The following PRIM2 variants were observed in gnomAD, a reference collection of about 807,000 sequenced individuals.
PRIM2 encodes DNA primase subunit 2, also known as DNA primase large subunit.
PRIM2 carries 39 observed loss-of-function variants against 67.3 expected under a neutral mutation model. The observed-to-expected ratio is 0.58, with a 90% confidence interval of 0.45 to 0.76. PRIM2 has a LOEUF of 0.76. PRIM2 is among the 30% of genes least tolerant of loss of function. The probability of loss-of-function intolerance (pLI) is 0.00; values close to 1 mark genes in which losing one functional copy is unlikely to be tolerated. For synonymous variants in PRIM2, 143 were observed against 198.7 expected, an observed-to-expected ratio of 0.72 and a Z score of 2.36; for missense variants, 398 against 598.7, an observed-to-expected ratio of 0.66 and a Z score of 3.50.
chr6:57,597,347 G>C (rs1454230477), intron 10 of PRIM2, among the ~76,000 whole-genome samples: 17 of 150,780 alleles, frequency 1.1e-4, no homozygotes, highest in Non-Finnish European at 2.4e-4. Flanking sequence ...AAGATGACTA[G>C]AAATGTAATT....
chr6:57,385,681 A>C (rs1770121135), intron 7 of PRIM2, among the ~76,000 whole-genome samples: 1 of 152,106 alleles, frequency 6.6e-6, no homozygotes. Flanking sequence ...ATAGATTCTT[A>C]GTTTCTCTTA....
chr6:57,254,633 T>C, the PRIM2 span, among the ~76,000 whole-genome samples: 29 of 152,144 alleles, frequency 1.9e-4, no homozygotes, highest in Non-Finnish European at 4.0e-4. Context: ...AGATAACAAA[T>C]GAATTCTTAA....
Position 57,449,377 on chromosome 6 carries a change from C to G in PRIM2, c.694-58010C>G, listed in dbSNP as rs1223665485. ...TTTATTGTTGTTCTTAGGCCTGACTCTAAACTTGAGAAACTAAATCTTCTC... is the reference window on the plus strand; with the variant it reads ...TTTATTGTTGTTCTTAGGCCTGACTGTAAACTTGAGAAACTAAATCTTCTC... On this transcript the variant is annotated intron_variant, in intron 7 of 13. Transcript: ENST00000615550. 3.1e-3 allele frequency among the ~76,000 whole-genome samples: 472 copies of G among 152,236 alleles called. 1 individual carries two copies. Among genetic ancestry groups the G allele is most frequent in the African/African-American group, 0.011 (457 of 41,554 alleles).
intron 5 of PRIM2, among the ~76,000 whole-genome samples, chr6:57,376,884 T>C (rs1581842611): frequency 6.6e-6 from 1 of 152,162 alleles, no homozygotes; most frequent in Non-Finnish European, 1.5e-5. Flanking sequence ...TTTTCTATAT[T>C]TTTTATTTTT....
chr6:57,308,475 A>T, the PRIM2 span, among the ~76,000 whole-genome samples: 1 of 152,100 alleles, frequency 6.6e-6, no homozygotes, highest in Admixed American at 6.5e-5. Context: ...GTATTTTGAT[A>T]TTGCCACGAA....
chr6:57,349,885 A>G (rs1384544381), intron 5 of PRIM2, among the ~76,000 whole-genome samples: 1 of 152,178 alleles, frequency 6.6e-6, no homozygotes, highest in East Asian at 1.9e-4. Context: ...ATATTTTCCT[A>G]TTTTTTGTAA....
intron 10 of PRIM2, among the ~76,000 whole-genome samples, chr6:57,543,482 T>G (rs1261922208): frequency 2.6e-5 from 4 of 152,204 alleles, no homozygotes; most frequent in African/African-American, 9.6e-5. Context: ...GTGTCCTCAT[T>G]GTGACTTATT....
intron 7 of PRIM2, among the ~76,000 whole-genome samples, chr6:57,394,975 G>C (rs1770473246): frequency 6.6e-6 from 1 of 152,110 alleles, no homozygotes; most frequent in Non-Finnish European, 1.5e-5. Context: ...TTATTGACTT[G>C]CATATGTTAA....
intron 13 of PRIM2, among the ~76,000 whole-genome samples, chr6:57,639,262 G>A (rs1393175474): frequency 3.2e-4 from 49 of 152,084 alleles, no homozygotes; most frequent in African/African-American, 1.2e-3. Context: ...AGTGTTTAGA[G>A]GGAAATTTAT....
chr6:57,603,603 G>A (rs1218526576), intron 11 of PRIM2, among the ~76,000 whole-genome samples: 2 of 152,018 alleles, frequency 1.3e-5, no homozygotes, highest in East Asian at 3.9e-4. Context: ...ATAGTTTGGA[G>A]TTAGGTAGAG....
chr6:57,406,559 A>C (rs1770899621), intron 7 of PRIM2, among the ~76,000 whole-genome samples: 2 of 152,136 alleles, frequency 1.3e-5, no homozygotes, highest in Admixed American at 1.3e-4. Context: ...ATGTTACCCA[A>C]CAAGTTCTAG....
chr6:57,569,394 A>T (rs1415624011), intron 10 of PRIM2, among the ~76,000 whole-genome samples: 1 of 152,254 alleles, frequency 6.6e-6, no homozygotes, highest in East Asian at 1.9e-4. Flanking sequence ...AGATATTAAC[A>T]GTAACTGGCA....
chr6:57,459,636 A>G (rs1384900316), intron 7 of PRIM2, among the ~76,000 whole-genome samples: 3 of 152,180 alleles, frequency 2.0e-5, no homozygotes, highest in African/African-American at 7.2e-5. Context: ...TGTAATCTTG[A>G]GTCTGAAATT....
the PRIM2 span, among the ~76,000 whole-genome samples, chr6:57,232,562 A>T: frequency 7.9e-5 from 12 of 152,330 alleles, no homozygotes; most frequent in Admixed American, 2.0e-4. Context: ...AAATAAAAAT[A>T]AAATTAAAAT....
chr6:57,257,775 T>C, the PRIM2 span, among the ~76,000 whole-genome samples: 584 of 152,348 alleles, frequency 3.8e-3, 5 homozygotes, highest in African/African-American at 0.013. Flanking sequence ...ATCTGCCTCA[T>C]AGAGTTATCA....
intron 7 of PRIM2, among the ~76,000 whole-genome samples, chr6:57,473,611 C>T (rs1773391364): frequency 6.6e-6 from 1 of 152,106 alleles, no homozygotes; most frequent in African/African-American, 2.4e-5. Flanking sequence ...TTTCCCCTTC[C>T]CTTTGTTTTC....
In PRIM2 at chr6:57,637,340, T is replaced by C. The variant is rs1335810618; in HGVS notation, c.1299+5139T>C. On this transcript the variant is annotated intron_variant, in intron 13 of 13. Coordinates refer to ENST00000615550, the MANE Select transcript of PRIM2 (RefSeq NM_000947.5). ...AGGCTGAAAATTCCAAAAATCAGAATATCTCTTCTCCTCCAAAGGATCACA... is the reference window on the plus strand; with the variant it reads ...AGGCTGAAAATTCCAAAAATCAGAACATCTCTTCTCCTCCAAAGGATCACA... Among the ~76,000 whole-genome samples the C allele has an allele frequency of 2.6e-4, 39 of 152,192 alleles. No individual in the cohort carries two copies. In the South Asian group the frequency reaches 4.1e-3, roughly 16 times the overall value.
At position 57,422,158 on chromosome 6, in the gene PRIM2, C is replaced by CT. The variant is rs575958629; in HGVS notation, c.693+40004dup. On this transcript the variant is annotated intron_variant, in intron 7 of 13. Coordinates refer to ENST00000615550, the MANE Select transcript of PRIM2 (RefSeq NM_000947.5). ...AAATTCAAAAGTATTTCTTTTCTTTCTTTTTTTTTTTTTTGAGATGGAGTC... is the reference window on the plus strand; with the variant it reads ...AAATTCAAAAGTATTTCTTTTCTTTCTTTTTTTTTTTTTTTGAGATGGAGTC... Among the ~76,000 whole-genome samples the CT allele has an allele frequency of 5.4e-4, 56 of 103,312 alleles. 2 individuals are homozygous for CT. Among genetic ancestry groups the CT allele is most frequent in the African/African-American group, 7.6e-4 (22 of 28,940 alleles). The allele number at this position is 103,312 out of a possible 152,430, so 67.8% of individuals were successfully genotyped here.
chr6:57,540,314 G>A (rs1342387490), intron 10 of PRIM2, among the ~76,000 whole-genome samples: 9 of 151,984 alleles, frequency 5.9e-5, no homozygotes, highest in Admixed American at 2.6e-4. Context: ...GAGAGAGATG[G>A]GGGTTATGGA....
Sources: allele counts gnomAD v4.1 joint callset (sites outside exome capture counted in the v4.1 genomes callset), GRCh38; gene constraint gnomAD v4.1.1; transcripts MANE v1.5; gene names NCBI Gene and HGNC (gene_info 2026-07-23, HGNC 2026-07-21).